The following CDH20 variants were observed in gnomAD, a reference collection of about 807,000 sequenced individuals.
CDH20 encodes cadherin 20.
Under a neutral mutation model 74.2 loss-of-function variants are expected in CDH20, and 29 were observed. The ratio of observed to expected loss-of-function variants is 0.39; its 90% confidence interval spans 0.29 to 0.53. The LOEUF is 0.53. Among genes scored for constraint, CDH20 ranks in the 20% least tolerant of loss-of-function variants. CDH20 has a pLI of 0.69. For missense variants in CDH20, 988 were observed against 1,048.3 expected (o/e 0.94, Z 0.79); for synonymous variants, 469 against 405.4 (o/e 1.16, Z -1.88).
At chr18:61,515,374 G>A (rs995655812) in intron 6 of CDH20, among the ~76,000 whole-genome samples, 16 of 151,952 alleles carry the variant, frequency 1.1e-4, no homozygotes, top group Non-Finnish European at 1.6e-4. Flanking sequence ...CACGGTGCAC[G>A]CACCCACTGA....
chr18:61,352,339 G>A (rs1910332188), intron 1 of CDH20, among the ~76,000 whole-genome samples: 1 of 152,190 alleles, frequency 6.6e-6, no homozygotes, highest in African/African-American at 2.4e-5. Flanking sequence ...TGTGGTCCCT[G>A]GGGATGCACT....
At chr18:61,411,954 C>T (rs144093790) in intron 1 of CDH20, among the ~76,000 whole-genome samples, 2,919 of 151,874 alleles carry the variant, frequency 0.019, 37 homozygotes, top group Non-Finnish European at 0.03. Context: ...CACTAAAGAA[C>T]TTACTCATGT....
At position 61,545,037 on chromosome 18, in the gene CDH20, C is replaced by G. The variant is rs1478328426; in HGVS notation, c.1541C>G (p.Thr514Arg). 4.3e-6 allele frequency: 7 copies of G among 1,611,632 alleles called. No individual in the cohort carries two copies. The highest frequency in any genetic ancestry group is 1.1e-5 in the South Asian group (1 of 91,036). Residue 514 changes from threonine (T) to arginine (R), a missense_variant, in exon 10 of 12, where the codon ACA (threonine) becomes AGA (arginine). This residue lies in a region of CDH20 where 613 missense variants were observed against 755.2 expected (regional missense o/e 0.81). Transcript: ENST00000262717. ...ATGTCCCTCCCTCAGCTGATCCAGA[C>G]AGTGAGTGCGGTGGACCAAGATGAC... ...ENAKAGQLIQ[T>R]VSAVDQDDPR...
intron 5 of CDH20, among the ~76,000 whole-genome samples, chr18:61,503,774 T>G (rs531601328): frequency 1.3e-5 from 2 of 152,178 alleles, no homozygotes; most frequent in Non-Finnish European, 2.9e-5. Flanking sequence ...ACTTGAACAG[T>G]GCAAGATGAT....
intron 1 of CDH20, among the ~76,000 whole-genome samples, chr18:61,481,716 A>G (rs530932106): frequency 1.1e-4 from 17 of 152,112 alleles, no homozygotes; most frequent in African/African-American, 4.1e-4. Context: ...TTTTTTACAT[A>G]TATATTTTTT....
At chr18:61,519,481 A>T (rs1359764734) in intron 6 of CDH20, among the ~76,000 whole-genome samples, 1 of 151,384 alleles carries the variant, frequency 6.6e-6, no homozygotes, top group Non-Finnish European at 1.5e-5. Flanking sequence ...ATTCTTAAAG[A>T]AAAGAATTTT....
chr18:61,548,286 T>A (rs1299004495), intron 10 of CDH20, among the ~76,000 whole-genome samples: 1 of 152,170 alleles, frequency 6.6e-6, no homozygotes, highest in Non-Finnish European at 1.5e-5. Flanking sequence ...AATAAGCAGT[T>A]ATGTAGCACA....
chr18:61,442,825 G>C (rs1909076302), intron 1 of CDH20, among the ~76,000 whole-genome samples: 1 of 152,004 alleles, frequency 6.6e-6, no homozygotes, highest in African/African-American at 2.4e-5. Context: ...ATTCATCTCT[G>C]AGCAGTTAGC....
At chr18:61,346,024 T>C (rs905687244) in intron 1 of CDH20, among the ~76,000 whole-genome samples, 2 of 152,200 alleles carry the variant, frequency 1.3e-5, no homozygotes, top group Non-Finnish European at 2.9e-5. Context: ...AGCCAATGTG[T>C]GACAGAAGTC....
intron 1 of CDH20, among the ~76,000 whole-genome samples, chr18:61,448,391 A>G (rs1909269923): frequency 6.6e-6 from 1 of 152,190 alleles, no homozygotes. Context: ...CTGGGCACAA[A>G]CATCTTGAGT....
At chr18:61,427,475 C>T (rs1913110232) in intron 1 of CDH20, among the ~76,000 whole-genome samples, 1 of 152,110 alleles carries the variant, frequency 6.6e-6, no homozygotes, top group African/African-American at 2.4e-5. Flanking sequence ...TTATGCTGTA[C>T]TGAAAAGGTA....
intron 1 of CDH20, among the ~76,000 whole-genome samples, chr18:61,416,281 G>A (rs920871780): frequency 3.3e-5 from 5 of 152,090 alleles, no homozygotes; most frequent in Non-Finnish European, 7.4e-5. Context: ...GGCCTTAATG[G>A]CATACCAATG....
chr18:61,377,058 G>C (rs994191410), intron 1 of CDH20, among the ~76,000 whole-genome samples: 1 of 152,128 alleles, frequency 6.6e-6, no homozygotes, highest in Non-Finnish European at 1.5e-5. Flanking sequence ...TCTGCTCCAT[G>C]AGGTCATTCA....
intron 1 of CDH20, among the ~76,000 whole-genome samples, chr18:61,434,453 G>A (rs534219960): frequency 1.2e-4 from 19 of 152,220 alleles, no homozygotes; most frequent in Admixed American, 4.6e-4. Context: ...GCCAGACACC[G>A]TAATAAGTAT....
At chr18:61,398,080 C>A (rs947295628) in intron 1 of CDH20, among the ~76,000 whole-genome samples, 10 of 152,166 alleles carry the variant, frequency 6.6e-5, no homozygotes, top group African/African-American at 2.4e-4. Flanking sequence ...CTAACAAGGG[C>A]AGCATAACTT....
In CDH20 at chr18:61,490,465, C is replaced by T. The variant is rs1223716880; in HGVS notation, c.-89C>T. On this transcript the variant is annotated 5_prime_UTR_variant, in exon 2 of 12. Coordinates refer to ENST00000262717, the MANE Select transcript of CDH20 (RefSeq NM_031891.4). ...CATTTAGGAAGCATAAGTGTCCAAT[C>T]AAAAACTGTGTATTTTTTTAAATTT... is the stretch of plus-strand genomic sequence containing the variant. 10 of 1,355,104 alleles carry T rather than the reference C, an allele frequency of 7.4e-6. No homozygotes were observed. The highest frequency in any genetic ancestry group is 1.0e-5 in the Non-Finnish European group (10 of 968,182). The allele number at this position is 1,355,104 out of a possible 1,614,324, so 83.9% of individuals were successfully genotyped here. A position where few individuals can be genotyped will look rare whatever the true frequency, so the allele number is the denominator to read the frequency against.
intron 1 of CDH20, among the ~76,000 whole-genome samples, chr18:61,383,002 C>T (rs1377643087): frequency 6.6e-6 from 1 of 152,156 alleles, no homozygotes; most frequent in Non-Finnish European, 1.5e-5. Context: ...CTCAATCTCT[C>T]TGGGCCTCAG....
chr18:61,383,035 C>T (rs541868146), intron 1 of CDH20, among the ~76,000 whole-genome samples: 13 of 152,082 alleles, frequency 8.5e-5, no homozygotes, highest in Non-Finnish European at 1.6e-4. Flanking sequence ...AAAATGAAGG[C>T]AATCATGGTA....
chr18:61,462,726 G>C (rs896768464), intron 1 of CDH20, among the ~76,000 whole-genome samples: 30 of 74,898 alleles, frequency 4.0e-4, no homozygotes, highest in African/African-American at 1.8e-3. Flanking sequence ...AAAAAAAAAG[G>C]GGGGGGGGGC....
Sources: gnomAD v4.1 joint callset for allele counts (sites outside exome capture counted in the v4.1 genomes callset) on GRCh38, gnomAD v4.1.1 for gene constraint, gnomAD v4.1.1 regional missense constraint, MANE v1.5 for transcripts, NCBI Gene and HGNC (gene_info 2026-07-23, HGNC 2026-07-21) for gene names.